The following NRG3 variants were observed in gnomAD, a reference collection of about 807,000 sequenced individuals.
The protein encoded by NRG3 is pro-neuregulin-3, membrane-bound isoform.
In NRG3, 31 loss-of-function variants were observed where a neutral mutation model predicts 66.9. The ratio of observed to expected loss-of-function variants is 0.46; its 90% CI spans 0.35 to 0.63. NRG3 has a LOEUF of 0.63. Among genes scored for constraint, NRG3 ranks in the 20% least tolerant of loss-of-function variants. NRG3 has a pLI of 0.00. For synonymous variants in NRG3, 393 were observed against 359.4 expected (o/e 1.09, Z -1.06); for missense variants, 910 against 878.9 (o/e 1.04, Z -0.45).
chr10:81,998,890 C>T (rs1243063336), intron 1 of NRG3, among the ~76,000 whole-genome samples: 1 of 152,136 alleles, frequency 6.6e-6, no homozygotes, highest in Non-Finnish European at 1.5e-5. Context: ...GATCTTGGCT[C>T]ACTGCAACCT....
rs2062344674 is a variant in NRG3 at position 82,027,042 on chromosome 10, G to GT, written c.823+150883dup. Among the ~76,000 whole-genome samples, 3 of 152,108 alleles carry GT rather than the reference G, an allele frequency of 2.0e-5. No individual in the cohort carries two copies. The South Asian group carries it at 6.2e-4, about 32-fold the overall frequency. ...GCAGCTAATGATTTTAAATAAGGTA[G>GT]TTTTCACAAGAATAAGTGAACAACA... is the stretch of plus-strand genomic sequence containing the variant. On this transcript the variant is annotated intron_variant, in intron 1 of 8. Coordinates refer to ENST00000372141, the MANE Select transcript of NRG3 (RefSeq NM_001010848.4).
intron 2 of NRG3, among the ~76,000 whole-genome samples, chr10:82,644,091 C>T (rs1446833364): frequency 6.6e-6 from 1 of 152,120 alleles, no homozygotes; most frequent in Non-Finnish European, 1.5e-5. Context: ...CAATCTTCTG[C>T]CTTGTCTGCC....
At chr10:82,865,984 G>A (rs1270700370) in intron 4 of NRG3, among the ~76,000 whole-genome samples, 1 of 152,148 alleles carries the variant, frequency 6.6e-6, no homozygotes, top group Non-Finnish European at 1.5e-5. Context: ...AGTATTTGCA[G>A]TGAATGGTGT....
chr10:82,687,862 G>C (rs2054629260), intron 2 of NRG3, among the ~76,000 whole-genome samples: 2 of 152,086 alleles, frequency 1.3e-5, no homozygotes, highest in South Asian at 4.1e-4. Flanking sequence ...TCTTACTCTG[G>C]TTCTTTCAAT....
intron 2 of NRG3, among the ~76,000 whole-genome samples, chr10:82,630,609 C>T (rs7914510): frequency 0.01 from 1,530 of 150,980 alleles, 23 homozygotes; most frequent in African/African-American, 0.036. Context: ...ACCTGGGAGG[C>T]GAAGGTTGCA....
At chr10:82,445,180 A>G (rs543753656) in intron 2 of NRG3, among the ~76,000 whole-genome samples, 4 of 151,668 alleles carry the variant, frequency 2.6e-5, no homozygotes, top group Admixed American at 2.0e-4. Context: ...CCAGAATGAC[A>G]TAGTTAAATC....
intron 2 of NRG3, among the ~76,000 whole-genome samples, chr10:82,481,048 T>G (rs982869208): frequency 6.6e-6 from 1 of 152,128 alleles, no homozygotes; most frequent in African/African-American, 2.4e-5. Context: ...CTGTAAACCC[T>G]TTTCTCCTCC....
intron 2 of NRG3, among the ~76,000 whole-genome samples, chr10:82,463,128 A>G (rs1355516258): frequency 6.6e-6 from 1 of 152,210 alleles, no homozygotes; most frequent in Non-Finnish European, 1.5e-5. Context: ...ATTTTAATTA[A>G]TCATTAACTG....
At chr10:82,490,020 A>G (rs1842970086) in intron 2 of NRG3, among the ~76,000 whole-genome samples, 1 of 152,210 alleles carries the variant, frequency 6.6e-6, no homozygotes, top group African/African-American at 2.4e-5. Flanking sequence ...CTGAGGTCAT[A>G]AAACTATTAA....
intron 4 of NRG3, among the ~76,000 whole-genome samples, chr10:82,913,289 C>T (rs1845510985): frequency 6.6e-6 from 1 of 152,102 alleles, no homozygotes. Flanking sequence ...TGCTGTCATT[C>T]ATTTCACTTA....
intron 2 of NRG3, among the ~76,000 whole-genome samples, chr10:82,584,810 A>G (rs2046566289): frequency 6.6e-6 from 1 of 152,148 alleles, no homozygotes; most frequent in South Asian, 2.1e-4. Flanking sequence ...TTGGTTTCTT[A>G]TGAACAATAT....
At chr10:82,516,852 A>G (rs997681633) in intron 2 of NRG3, among the ~76,000 whole-genome samples, 5 of 152,168 alleles carry the variant, frequency 3.3e-5, no homozygotes, top group Non-Finnish European at 5.9e-5. Context: ...AAGGAAAAAT[A>G]TATGATGTCA....
chr10:82,552,402 A>G (rs1207928262), intron 2 of NRG3, among the ~76,000 whole-genome samples: 3 of 152,170 alleles, frequency 2.0e-5, no homozygotes, highest in Admixed American at 6.5e-5. Context: ...ATACATTGCA[A>G]TTGTTAACCT....
chr10:82,910,925 A>C (rs7095037), intron 4 of NRG3, among the ~76,000 whole-genome samples: 12,756 of 152,256 alleles, frequency 0.084, 1,125 homozygotes, highest in African/African-American at 0.23. Context: ...TGCATGGCAC[A>C]ACATCTGGCC....
At chr10:82,712,840 G>C (rs1202600755) in intron 2 of NRG3, among the ~76,000 whole-genome samples, 1 of 152,078 alleles carries the variant, frequency 6.6e-6, no homozygotes, top group African/African-American at 2.4e-5. Flanking sequence ...GAGTAGTGTG[G>C]TTGATAAAGA....
chr10:82,016,626 G>A (rs999165822), intron 1 of NRG3, among the ~76,000 whole-genome samples: 1 of 152,088 alleles, frequency 6.6e-6, no homozygotes, highest in Non-Finnish European at 1.5e-5. Flanking sequence ...GATCAGAGAT[G>A]ATGCAAATGA....
At chr10:81,920,483 A>C (rs962183629) in intron 1 of NRG3, among the ~76,000 whole-genome samples, 10 of 152,098 alleles carry the variant, frequency 6.6e-5, no homozygotes, top group African/African-American at 2.4e-4. Context: ...TTTAATAAGC[A>C]TGACTATCCA....
chr10:82,701,022 G>A lies in NRG3; in HGVS notation c.954-37555G>A, dbSNP rs544382105. 4.6e-5 allele frequency among the ~76,000 whole-genome samples: 7 copies of A among 151,906 alleles called. No individual in the cohort carries two copies. The East Asian group carries it at 1.2e-3, about 25-fold the overall frequency. ...AATTAATTAAACTCACATATAAGAGGACAATGCAGGAGAAACTCTATATTA... is the reference window on the plus strand; with the variant it reads ...AATTAATTAAACTCACATATAAGAGAACAATGCAGGAGAAACTCTATATTA... On this transcript the variant is annotated intron_variant, in intron 2 of 8. Coordinates refer to ENST00000372141, the MANE Select transcript of NRG3 (RefSeq NM_001010848.4).
At chr10:82,274,076 A>G (rs1200463606) in intron 1 of NRG3, among the ~76,000 whole-genome samples, 1 of 152,074 alleles carries the variant, frequency 6.6e-6, no homozygotes, top group Non-Finnish European at 1.5e-5. Context: ...GATGATTATG[A>G]TTTCAGAGTG....
Sources: allele counts gnomAD v4.1 joint callset (sites outside exome capture counted in the v4.1 genomes callset), GRCh38; gene constraint gnomAD v4.1.1; transcripts MANE v1.5; gene names NCBI Gene and HGNC (gene_info 2026-07-23, HGNC 2026-07-21).